The following CUEDC1 variants were observed in gnomAD, a reference collection of about 807,000 sequenced individuals.
CUEDC1 encodes the protein CUE domain-containing protein 1.
CUEDC1 carries 30 observed loss-of-function variants against 43.7 expected under a neutral mutation model. The observed-to-expected ratio is 0.69, with a 90% CI of 0.51 to 0.93. The LOEUF (loss-of-function observed/expected upper bound fraction) is 0.93. CUEDC1 is among the 40% of genes least tolerant of loss of function. The probability of loss-of-function intolerance (pLI) is 0.00; values close to 1 mark genes in which losing one functional copy is unlikely to be tolerated. For missense variants in CUEDC1, 486 were observed against 549.0 expected (o/e 0.89, Z 1.15); for synonymous variants, 223 against 223.6 (o/e 1.00, Z 0.02).
chr17:57,944,490 G>A (rs919956467), intron 1 of CUEDC1, among the ~76,000 whole-genome samples: 6 of 152,188 alleles, frequency 3.9e-5, no homozygotes, highest in African/African-American at 1.4e-4. Context: ...GATTACAGGC[G>A]TGAGCCACTG....
chr17:57,923,918 A>G (rs1432883309), intron 1 of CUEDC1, among the ~76,000 whole-genome samples: 3 of 152,242 alleles, frequency 2.0e-5, no homozygotes, highest in East Asian at 1.9e-4. Flanking sequence ...ATAAGTAACA[A>G]TGGAACTTAC....
chr17:57,901,376 T>C (rs1309316587), intron 1 of CUEDC1, among the ~76,000 whole-genome samples: 1 of 152,206 alleles, frequency 6.6e-6, no homozygotes, highest in Non-Finnish European at 1.5e-5. Context: ...TGACATAAAG[T>C]TCCTGTCTAG....
chr17:57,930,369 GA>G lies in CUEDC1; in HGVS notation c.-316+24855del. ...GTTAGCACTGGCTGTGAGGAGGCCA[GA>G]AGGTAGCCCTTACAAACACCTTTCC... is the stretch of plus-strand genomic sequence containing the variant. On this transcript the variant is annotated intron_variant, in intron 1 of 10. Coordinates refer to ENST00000577830, the MANE Select transcript of CUEDC1 (RefSeq NM_001271875.2). This position sits in a 1 kb window ranked among gnomAD's most constrained non-coding sequence, Gnocchi z 4.2. Among the ~76,000 whole-genome samples, 1 of 152,386 alleles carries G rather than the reference GA, an allele frequency of 6.6e-6. No individual in the cohort carries two copies. The highest frequency in any genetic ancestry group is 2.4e-5 in the African/African-American group (1 of 41,602).
intron 10 of CUEDC1, among the ~76,000 whole-genome samples, chr17:57,865,282 G>A (rs1488881927): frequency 6.6e-6 from 1 of 152,180 alleles, no homozygotes; most frequent in African/African-American, 2.4e-5. Flanking sequence ...AAGCCTGAGG[G>A]GAATAGAAGG....
intron 1 of CUEDC1, among the ~76,000 whole-genome samples, chr17:57,911,894 T>G (rs935610863): frequency 1.3e-5 from 2 of 152,230 alleles, no homozygotes; most frequent in African/African-American, 4.8e-5. Flanking sequence ...CCAGGTGAAC[T>G]GAATCTGTTT....
chr17:57,929,487 A>G (rs999296402), intron 1 of CUEDC1, among the ~76,000 whole-genome samples: 7 of 152,150 alleles, frequency 4.6e-5, no homozygotes, highest in Admixed American at 1.3e-4. Flanking sequence ...AAAGAAAGGA[A>G]GGAAGGATTT....
chr17:57,874,426 G>C (rs2074081584), intron 3 of CUEDC1, among the ~76,000 whole-genome samples: 1 of 152,210 alleles, frequency 6.6e-6, no homozygotes, highest in Non-Finnish European at 1.5e-5. Context: ...CTCGCTCTCA[G>C]GGTGCTCTGG....
chr17:57,894,871 T>C (rs533632619), intron 1 of CUEDC1, among the ~76,000 whole-genome samples: 4 of 152,140 alleles, frequency 2.6e-5, no homozygotes, highest in African/African-American at 9.7e-5. Context: ...GACATCATCA[T>C]TCATCTCTGC....
At position 57,930,139 on chromosome 17, in the gene CUEDC1, G is replaced by A. The variant is rs1471334056; in HGVS notation, c.-316+25086C>T. ...TTTAATGTGCACACGAACCACTGGG[G>A]ACCTTGTTAAAATGTAGATAGATTC... On this transcript the variant is annotated intron_variant, in intron 1 of 10. Transcript: ENST00000577830. The surrounding 1 kb of genome is among the most constrained non-coding windows in gnomAD (Gnocchi z 4.2). Among the ~76,000 whole-genome samples, 1 of 152,142 alleles carries A rather than the reference G, an allele frequency of 6.6e-6. No homozygotes were observed. Among genetic ancestry groups the A allele is most frequent in the Non-Finnish European group, 1.5e-5 (1 of 68,032 alleles).
intron 1 of CUEDC1, among the ~76,000 whole-genome samples, chr17:57,906,611 A>C (rs1220675054): frequency 6.6e-6 from 1 of 152,194 alleles, no homozygotes; most frequent in African/African-American, 2.4e-5. Context: ...TAAAATGGTA[A>C]GTTTTATATT....
At chr17:57,894,957 A>C (rs1365533588) in intron 1 of CUEDC1, among the ~76,000 whole-genome samples, 3 of 152,232 alleles carry the variant, frequency 2.0e-5, no homozygotes, top group Non-Finnish European at 4.4e-5. Flanking sequence ...CTAGTGAAAA[A>C]GATCCAAGAT....
intron 1 of CUEDC1, among the ~76,000 whole-genome samples, chr17:57,948,841 CAA>C (rs2074980213): frequency 6.6e-6 from 1 of 152,150 alleles, no homozygotes; most frequent in Non-Finnish European, 1.5e-5. Context: ...TGCAGAGAGA[CAA>C]GAGTGAATCA....
At chr17:57,911,145 G>A (rs1182128747) in intron 1 of CUEDC1, among the ~76,000 whole-genome samples, 2 of 152,172 alleles carry the variant, frequency 1.3e-5, no homozygotes, top group Non-Finnish European at 2.9e-5. Flanking sequence ...ACACATTGCT[G>A]GCCTCCACCC....
At chr17:57,947,693 C>T (rs773810621) in intron 1 of CUEDC1, among the ~76,000 whole-genome samples, 2 of 151,904 alleles carry the variant, frequency 1.3e-5, no homozygotes, top group Admixed American at 1.3e-4. Flanking sequence ...CCCAGCTTCT[C>T]GGGAGGCTGA....
At chr17:57,881,796 C>T (rs952828136) in intron 2 of CUEDC1, among the ~76,000 whole-genome samples, 1 of 152,198 alleles carries the variant, frequency 6.6e-6, no homozygotes, top group Non-Finnish European at 1.5e-5. Context: ...CCCTCCTGCT[C>T]CTCTGTGCAG....
intron 1 of CUEDC1, among the ~76,000 whole-genome samples, chr17:57,906,226 T>C (rs2074528764): frequency 6.6e-6 from 1 of 152,178 alleles, no homozygotes; most frequent in South Asian, 2.1e-4. Context: ...GATAAATGGA[T>C]AAACAAAATG....
intron 1 of CUEDC1, among the ~76,000 whole-genome samples, chr17:57,925,430 C>T (rs8082319): frequency 4.0e-5 from 6 of 151,866 alleles, no homozygotes; most frequent in African/African-American, 9.7e-5. Context: ...CAAGCCAGTG[C>T]GGTACCCTTC....
chr17:57,940,504 G>T (rs1598024356), intron 1 of CUEDC1, among the ~76,000 whole-genome samples: 1 of 152,118 alleles, frequency 6.6e-6, no homozygotes, highest in Non-Finnish European at 1.5e-5. Context: ...AACCTTGAAG[G>T]CCCTATATTC....
chr17:57,865,233 AG>A (rs969361714), intron 10 of CUEDC1, among the ~76,000 whole-genome samples: 2 of 152,204 alleles, frequency 1.3e-5, no homozygotes, highest in Non-Finnish European at 2.9e-5. Flanking sequence ...TGGGCATTCC[AG>A]GACAGTGGGA....
Sources: gnomAD v4.1 joint callset for allele counts (sites outside exome capture counted in the v4.1 genomes callset) on GRCh38, gnomAD v4.1.1 for gene constraint, Gnocchi (gnomAD v3.1) non-coding constraint, MANE v1.5 for transcripts, NCBI Gene and HGNC (gene_info 2026-07-23, HGNC 2026-07-21) for gene names.